CYP27C1: variants seen among roughly 807,000 people sequenced by gnomAD.
CYP27C1 encodes the protein cytochrome P450 27C1.
Under a neutral mutation model 40.6 loss-of-function variants are expected in CYP27C1, and 29 were observed. That is an observed-to-expected ratio of 0.71 (90% CI 0.53 to 0.97). CYP27C1 has a LOEUF of 0.97. Among genes scored for constraint, CYP27C1 ranks in the 50% least tolerant of loss-of-function variants. CYP27C1 has a pLI of 0.00. For synonymous variants in CYP27C1, 198 were observed against 186.8 expected (o/e 1.06, Z -0.49); for missense variants, 390 against 485.8 (o/e 0.80, Z 1.85).
At position 127,208,897 on chromosome 2, in the gene CYP27C1, C is replaced by T. The variant is rs145181917; in HGVS notation, c.283-2807G>A. On this transcript the variant is annotated intron_variant, in intron 1 of 8. Coordinates refer to ENST00000664447, the MANE Select transcript of CYP27C1 (RefSeq NM_001367502.1). This position sits in a 1 kb window ranked among gnomAD's most constrained non-coding sequence, Gnocchi z 5.2. The stretch of plus-strand genomic sequence containing the variant: ...GGGGAAGGGGTGGCCACAGTCTCTG[C>T]GGACCAGCAGATTTAGCCTCTTCTC... Among the ~76,000 whole-genome samples, 24 of 152,284 alleles carry T rather than the reference C, an allele frequency of 1.6e-4. No individual in the cohort carries two copies. In the East Asian group the frequency reaches 4.6e-3, roughly 29 times the overall value.
rs1683499959 is a variant in CYP27C1, at chr2:127,219,212, G to A, written c.282+777C>T. On this transcript the variant is annotated intron_variant, in intron 1 of 8. Transcript: ENST00000664447. The surrounding 1 kb of genome is among the most constrained non-coding windows in gnomAD (Gnocchi z 8.7). Reference sequence around the variant, plus strand: ...AGCTCCGCAGAGCCTAGAGGAGCTAGGGAACCTAGCGCTCCCCTCGGGCCG... The same window carrying A: ...AGCTCCGCAGAGCCTAGAGGAGCTAAGGAACCTAGCGCTCCCCTCGGGCCG... 1.3e-5 allele frequency among the ~76,000 whole-genome samples: 2 copies of A among 152,110 alleles called. No homozygotes were observed. The highest frequency in any genetic ancestry group is 4.1e-4 in the South Asian group (2 of 4,826).
chr2:127,187,007 G>A lies in CYP27C1; in HGVS notation c.*264C>T. On this transcript the variant is annotated 3_prime_UTR_variant, in exon 9 of 9. Transcript: ENST00000664447. ...TATTGAGTCTAGCACAATGTATGAAGCATAAAAATTCACTGCCACTGGTTT... is the reference window on the plus strand; with the variant it reads ...TATTGAGTCTAGCACAATGTATGAAACATAAAAATTCACTGCCACTGGTTT... 4 of 437,528 alleles carry A rather than the reference G, an allele frequency of 9.1e-6. No homozygotes were observed. Among genetic ancestry groups the A allele is most frequent in the South Asian group, 5.7e-5 (2 of 35,144 alleles). 27.1% of individuals were successfully genotyped at this position (437,528 alleles called of 1,614,324 possible).
rs568912133 is a variant in CYP27C1, at chr2:127,219,185, C to G, written c.282+804G>C. Among the ~76,000 whole-genome samples the G allele has an allele frequency of 1.3e-5, 2 of 152,240 alleles. No homozygotes were observed. Among genetic ancestry groups the G allele is most frequent in the African/African-American group, 4.8e-5 (2 of 41,548 alleles). Reference sequence around the variant, plus strand: ...CACGGTCTCGGCCACCTAAGGACACCGAGCTCCGCAGAGCCTAGAGGAGCT... The same window carrying G: ...CACGGTCTCGGCCACCTAAGGACACGGAGCTCCGCAGAGCCTAGAGGAGCT... On this transcript the variant is annotated intron_variant, in intron 1 of 8. Coordinates refer to ENST00000664447, the MANE Select transcript of CYP27C1 (RefSeq NM_001367502.1). The surrounding 1 kb of genome is among the most constrained non-coding windows in gnomAD (Gnocchi z 8.7).
chr2:127,199,593 T>C (rs1682985993), intron 4 of CYP27C1, 54 bp from the exon 5 acceptor site: 18 of 1,534,794 alleles, frequency 1.2e-5, no homozygotes, highest in African/African-American at 1.4e-5. Flanking sequence ...AATCATCTTT[T>C]CAGTCTCAAA....
intron 1 of CYP27C1, among the ~76,000 whole-genome samples, chr2:127,207,032 T>A (rs1168720332): frequency 6.6e-6 from 1 of 152,168 alleles, no homozygotes; most frequent in Non-Finnish European, 1.5e-5. Flanking sequence ...AAATGAAATT[T>A]AAAAAACAAT....
chr2:127,211,736 G>T (rs1051687395), intron 1 of CYP27C1, among the ~76,000 whole-genome samples: 1 of 152,082 alleles, frequency 6.6e-6, no homozygotes, highest in African/African-American at 2.4e-5. Flanking sequence ...AAATCAAAAA[G>T]CTAGAAAGAC....
intron 1 of CYP27C1, among the ~76,000 whole-genome samples, chr2:127,211,411 C>T (rs1683336368): frequency 8.4e-6 from 1 of 118,578 alleles, no homozygotes; most frequent in African/African-American, 3.5e-5. Flanking sequence ...GAGATGGAGT[C>T]TCGCTCTTTC....
intron 8 of CYP27C1, among the ~76,000 whole-genome samples, chr2:127,191,246 T>TAA (rs1558925273): frequency 6.6e-6 from 1 of 151,938 alleles, no homozygotes; most frequent in African/African-American, 2.4e-5. Flanking sequence ...TCAAAAAAAA[T>TAA]AATAAAATAA....
chr2:127,204,468 G>GAA (rs1558930964), intron 2 of CYP27C1, among the ~76,000 whole-genome samples: 5 of 58,630 alleles, frequency 8.5e-5, no homozygotes, highest in Non-Finnish European at 1.7e-4. Context: ...AAGAAAGAAA[G>GAA]AAAGAAAGAA....
Position 127,194,710 on chromosome 2 carries a change from G to A in CYP27C1, c.1214+625C>T, listed in dbSNP as rs73953286. Among the ~76,000 whole-genome samples the A allele has an allele frequency of 8.3e-3, 1,270 of 152,264 alleles. 12 individuals carry two copies. Among genetic ancestry groups the A allele is most frequent in the African/African-American group, 0.028 (1,181 of 41,532 alleles). ...GGTCAAACTATTTTCCTAACAAATC[G>A]ATCTTGTTTCGTGTTATCTTCAGAG... is the stretch of plus-strand genomic sequence containing the variant. On this transcript the variant is annotated intron_variant, in intron 6 of 8. Coordinates refer to ENST00000664447, the MANE Select transcript of CYP27C1 (RefSeq NM_001367502.1).
Position 127,193,267 on chromosome 2 carries a change from A to T in CYP27C1, c.1324T>A (p.Ser442Thr). The part of the protein sequence containing the change: ...TQLALCHYAT[S>T]YQDENFPRAK... ...CGAGGGAAGTTCTCATCCTGGTACG[A>T]TGTGGCATAGTGGCAAAGGGCCAGC... The change falls in exon 8 of 9, where the codon TCG becomes ACG. Residue 442 changes from serine to threonine, a missense_variant. By Grantham distance (58) the Ser-to-Thr change is moderately conservative (BLOSUM62 1). Coordinates refer to ENST00000664447, the MANE Select transcript of CYP27C1 (RefSeq NM_001367502.1). 2 of 1,614,192 alleles carry T rather than the reference A, an allele frequency of 1.2e-6. No individual in the cohort carries two copies. The highest frequency in any genetic ancestry group is 1.7e-6 in the Non-Finnish European group (2 of 1,180,028).
intron 3 of CYP27C1, among the ~76,000 whole-genome samples, chr2:127,202,084 A>AT (rs35508164): frequency 0.22 from 31,614 of 142,496 alleles, 3,666 homozygotes; most frequent in South Asian, 0.39. Flanking sequence ...GATGCATTCT[A>AT]TTTTTTTTTT....
chr2:127,201,055 A>G lies in CYP27C1; in HGVS notation c.883+67T>C. On this transcript the variant is annotated intron_variant, in intron 4 of 8. Transcript: ENST00000664447. The surrounding 1 kb of genome is among the most constrained non-coding windows in gnomAD (Gnocchi z 6.0). The stretch of plus-strand genomic sequence containing the variant: ...GCTATGGTCACCCATTGTCTGGATG[A>G]GAGTTAGACACACAACACGGCAGGT... 1 of 1,457,286 alleles carries G rather than the reference A, an allele frequency of 6.9e-7. No individual in the cohort carries two copies. The highest frequency in any genetic ancestry group is 1.7e-5 in the Admixed American group (1 of 58,004). 90.3% of individuals were successfully genotyped at this position (1,457,286 alleles called of 1,614,324 possible).
In CYP27C1 at chr2:127,204,513, G is replaced by GA. The variant is rs1383552990; in HGVS notation, c.474-943dup. ...GGAAGGAAGGAAGGAAGGAAAGAAA[G>GA]AAGGAAAGAAAGAAAGAAAGAAAGA... On this transcript the variant is annotated intron_variant, in intron 2 of 8. Coordinates refer to ENST00000664447, the MANE Select transcript of CYP27C1 (RefSeq NM_001367502.1). Among the ~76,000 whole-genome samples, 196 of 53,064 alleles carry GA rather than the reference G, an allele frequency of 3.7e-3. 21 individuals carry two copies. The highest frequency in any genetic ancestry group is 0.011 in the African/African-American group (187 of 16,272). The allele number at this position is 53,064 out of a possible 152,430, so 34.8% of individuals were successfully genotyped here.
Position 127,187,325 on chromosome 2 carries a change from G to C in CYP27C1, c.1560C>G (p.His520Gln). 1.2e-6 allele frequency: 2 copies of C among 1,614,212 alleles called. No individual in the cohort carries two copies. Among genetic ancestry groups the C allele is most frequent in the African/African-American group, 1.3e-5 (1 of 75,060 alleles). ...SQTNAVHAKT[H>Q]GLLTPGGPIH... ...TGGGCCCCCCTGGCGTCAGGAGCCC[G>C]TGGGTTTTTGCATGAACAGCATTGG... Residue 520 changes from histidine (H) to glutamine (Q), a missense_variant, in exon 9 of 9, where the codon CAC (histidine) becomes CAG (glutamine). Physicochemically the swap from His to Gln is conservative, Grantham distance 24. Transcript: ENST00000664447.
chr2:127,194,445 C>A (rs1682856941), intron 6 of CYP27C1, among the ~76,000 whole-genome samples: 1 of 152,122 alleles, frequency 6.6e-6, no homozygotes, highest in Non-Finnish European at 1.5e-5. Flanking sequence ...CTTTTTGTCG[C>A]AGCATTTCCT....
At chr2:127,191,724 G>A (rs1682779366) in intron 8 of CYP27C1, among the ~76,000 whole-genome samples, 1 of 152,240 alleles carries the variant, frequency 6.6e-6, no homozygotes. Flanking sequence ...AACCTGCCAA[G>A]GTCCCGGAGC....
chr2:127,194,667 C>T (rs1682862087), intron 6 of CYP27C1, among the ~76,000 whole-genome samples: 1 of 152,156 alleles, frequency 6.6e-6, no homozygotes, highest in Non-Finnish European at 1.5e-5. Flanking sequence ...GTATCCAGGT[C>T]TGCAAATCAG....
intron 8 of CYP27C1, among the ~76,000 whole-genome samples, chr2:127,189,462 G>C (rs1682712641): frequency 6.6e-6 from 1 of 152,006 alleles, no homozygotes; most frequent in Non-Finnish European, 1.5e-5. Flanking sequence ...AGGGGGATAG[G>C]GGGAAGAGGA....
Sources: gnomAD v4.1 joint callset for allele counts (sites outside exome capture counted in the v4.1 genomes callset) on GRCh38, gnomAD v4.1.1 for gene constraint, Gnocchi (gnomAD v3.1) non-coding constraint, MANE v1.5 for transcripts, NCBI Gene and HGNC (gene_info 2026-07-23, HGNC 2026-07-21) for gene names.